The following PTP4A1 variants were observed in gnomAD, a reference collection of about 807,000 sequenced individuals.
The protein encoded by PTP4A1 is protein tyrosine phosphatase type IVA 1.
In PTP4A1, 9 loss-of-function variants were observed where a neutral mutation model predicts 20.5. The ratio of observed to expected loss-of-function variants is 0.44; its 90% CI spans 0.26 to 0.77. PTP4A1 has a LOEUF of 0.77. PTP4A1 is among the 30% of genes least tolerant of loss of function. PTP4A1 has a pLI of 0.19. For synonymous variants in PTP4A1, 78 were observed against 67.4 expected, an observed-to-expected ratio of 1.16 and a Z score of -0.77; for missense variants, 137 against 218.8, an observed-to-expected ratio of 0.63 and a Z score of 2.36.
chr6:63,545,018 G>A (rs1776124469), intron 2 of PTP4A1, among the ~76,000 whole-genome samples: 1 of 152,120 alleles, frequency 6.6e-6, no homozygotes, highest in Non-Finnish European at 1.5e-5. Flanking sequence ...TTATTACCAT[G>A]ATAATTTCCA....
intron 1 of PTP4A1, among the ~76,000 whole-genome samples, chr6:63,576,021 A>G (rs1203767422): frequency 6.6e-6 from 1 of 151,592 alleles, no homozygotes; most frequent in African/African-American, 2.4e-5. Flanking sequence ...ATCAACATAA[A>G]GTGTATGTAA....
intron 2 of PTP4A1, among the ~76,000 whole-genome samples, chr6:63,547,496 GA>G (rs1291777305): frequency 1.9e-3 from 288 of 147,694 alleles, no homozygotes; most frequent in African/African-American, 6.3e-3. Context: ...GGCCAGGGGG[GA>G]ATTTTTTTTT....
intron 2 of PTP4A1, among the ~76,000 whole-genome samples, chr6:63,536,813 A>T: frequency 6.6e-6 from 1 of 152,116 alleles, no homozygotes; most frequent in Admixed American, 6.5e-5. Context: ...TAAATACAAC[A>T]TTTAAACTAT....
intron 2 of PTP4A1, among the ~76,000 whole-genome samples, chr6:63,529,137 GTATATATATATGTATATATATGTGTGTA>G (rs1562112379): frequency 3.0e-4 from 41 of 136,772 alleles, no homozygotes; most frequent in South Asian, 9.1e-4. Flanking sequence ...ATATGTGTGT[GTATATATATATGTATATATATGTGTGTA>G]TATATATATA....
rs113906878 is a variant in PTP4A1 at position 63,580,728 on chromosome 6, AT to A, written c.*569del. 1,222 of 140,700 alleles carry A rather than the reference AT, an allele frequency of 8.7e-3. 4 individuals are homozygous for A. Among genetic ancestry groups the A allele is most frequent in the East Asian group, 0.018 (87 of 4,922 alleles). The allele number at this position is 140,700 out of a possible 1,614,324, so 8.7% of individuals were successfully genotyped here. On this transcript the variant is annotated 3_prime_UTR_variant, in exon 6 of 6. Coordinates refer to ENST00000626021, the MANE Select transcript of PTP4A1 (RefSeq NM_003463.5). ...ATACGTCAGGTTTGCTTAACCATTG[AT>A]TTTTTTTTTTTTTTACCAAGTCTTA... is the stretch of plus-strand genomic sequence containing the variant.
At chr6:63,519,294 C>T (rs187663852), upstream of PTP4A1, among the ~76,000 whole-genome samples, 6 of 151,152 alleles carry the variant, frequency 4.0e-5, no homozygotes, top group Admixed American at 2.0e-4. Context: ...GTGACAAAGG[C>T]GAAACTCTGT....
intron 3 of PTP4A1, among the ~76,000 whole-genome samples, chr6:63,566,975 C>T (rs1561911266): frequency 6.6e-6 from 1 of 152,214 alleles, no homozygotes. Flanking sequence ...TTTTCTCCTT[C>T]ATAAGAAGCA....
upstream of PTP4A1, among the ~76,000 whole-genome samples, chr6:63,520,652 A>C (rs1403621325): frequency 6.6e-6 from 1 of 151,046 alleles, no homozygotes; most frequent in Non-Finnish European, 1.5e-5. Flanking sequence ...TAAATAAATA[A>C]ATAAATAAAT....
intron 2 of PTP4A1, among the ~76,000 whole-genome samples, chr6:63,532,457 C>T (rs2149478407): frequency 6.6e-6 from 1 of 152,084 alleles, no homozygotes; most frequent in Non-Finnish European, 1.5e-5. Flanking sequence ...ATGTATGGGT[C>T]AGCACAGCAC....
rs980210514 is a variant in PTP4A1, at chr6:63,581,005, CTTTAA to C, written c.*836_*840del. ...CTTGTGCAAACATGTAGAATATGCT[CTTTAA>C]TTTAGTAAAATATTTTTTTAAAAGG... On this transcript the variant is annotated 3_prime_UTR_variant, in exon 6 of 6. Coordinates refer to ENST00000626021, the MANE Select transcript of PTP4A1 (RefSeq NM_003463.5). 3.3e-5 allele frequency: 5 copies of C among 152,104 alleles called. No homozygotes were observed. The highest frequency in any genetic ancestry group is 1.2e-4 in the African/African-American group (5 of 41,400). The allele number at this position is 152,104 out of a possible 1,614,324, so 9.4% of individuals were successfully genotyped here.
chr6:63,523,078 C>A, intron 1 of PTP4A1, among the ~76,000 whole-genome samples: 1 of 151,786 alleles, frequency 6.6e-6, no homozygotes, highest in Non-Finnish European at 1.5e-5. Flanking sequence ...TTTGGCCAGG[C>A]TGGTCTCAAA....
chr6:63,574,317 C>T (rs1777704995), intron 1 of PTP4A1, among the ~76,000 whole-genome samples: 1 of 152,158 alleles, frequency 6.6e-6, no homozygotes, highest in Non-Finnish European at 1.5e-5. Context: ...CTCTTTCCTC[C>T]TCTCCCTTCT....
intron 2 of PTP4A1, among the ~76,000 whole-genome samples, chr6:63,532,569 CA>C (rs960079628): frequency 1.3e-4 from 20 of 148,634 alleles, no homozygotes; most frequent in South Asian, 8.5e-4. Flanking sequence ...ATTAAATCCA[CA>C]AAAAAAAAAT....
chr6:63,547,681 AT>A lies in PTP4A1; in HGVS notation c.-639-2609del, dbSNP rs1169224671. 2.6e-3 allele frequency among the ~76,000 whole-genome samples: 349 copies of A among 131,956 alleles called. 1 individual carries two copies. The highest frequency in any genetic ancestry group is 9.1e-3 in the African/African-American group (320 of 35,224). The allele number at this position is 131,956 out of a possible 152,430, so 86.6% of individuals were successfully genotyped here. On this transcript the variant is annotated intron_variant, in intron 2 of 3. Coordinates refer to the PTP4A1 transcript ENST00000639568. ...CCACCACGCCTGGCTAATTTTTTGT[AT>A]TTTTTTTTTCAGTAGAGACGGGGTT...
At chr6:63,558,830 C>T (rs1776803704) in intron 3 of PTP4A1, among the ~76,000 whole-genome samples, 1 of 152,124 alleles carries the variant, frequency 6.6e-6, no homozygotes, top group Admixed American at 6.5e-5. Context: ...ATCCCAGGGG[C>T]CCCCATAAGA....
intron 2 of PTP4A1, among the ~76,000 whole-genome samples, chr6:63,539,425 T>G (rs1775859533): frequency 6.6e-6 from 1 of 152,130 alleles, no homozygotes; most frequent in Admixed American, 6.6e-5. Flanking sequence ...ATCCTTCATG[T>G]TTAATCATTA....
chr6:63,577,971 T>C (rs1159685133), intron 2 of PTP4A1, among the ~76,000 whole-genome samples: 1 of 131,674 alleles, frequency 7.6e-6, no homozygotes, highest in African/African-American at 3.3e-5. Context: ...TTTTTTACTG[T>C]AGTTAAGACT....
upstream of PTP4A1, chr6:63,572,348 G>A: frequency 3.5e-6 from 1 of 285,810 alleles, no homozygotes; most frequent in Non-Finnish European, 6.5e-6. Context: ...GGCCGCCGCG[G>A]AGTGACGTCC....
chr6:63,574,011 C>T (rs1018948522), intron 1 of PTP4A1, among the ~76,000 whole-genome samples: 5 of 152,114 alleles, frequency 3.3e-5, no homozygotes, highest in African/African-American at 9.7e-5. Context: ...CTTCTGTCCG[C>T]GGAGCCCCCT....
Sources: gnomAD v4.1 joint callset for allele counts (sites outside exome capture counted in the v4.1 genomes callset) on GRCh38, gnomAD v4.1.1 for gene constraint, MANE v1.5 for transcripts, NCBI Gene and HGNC (gene_info 2026-07-23, HGNC 2026-07-21) for gene names.